Variants in PDXDC1 observed in about 807,000 individuals in gnomAD.
PDXDC1 encodes pyridoxal dependent decarboxylase domain containing 1, also known as pyridoxal-dependent decarboxylase domain-containing protein 1.
PDXDC1 carries 42 observed loss-of-function variants against 100.1 expected under a neutral mutation model. That is an observed-to-expected ratio of 0.42 (90% CI 0.33 to 0.54). The LOEUF (loss-of-function observed/expected upper bound fraction) is 0.54, where lower values mean the gene tolerates loss of function less well. PDXDC1 is among the 20% of genes least tolerant of loss of function. The probability of loss-of-function intolerance (pLI) is 0.10; values close to 1 mark genes in which losing one functional copy is unlikely to be tolerated. For synonymous variants in PDXDC1, 260 were observed against 371.7 expected (o/e 0.70, Z 3.46); for missense variants, 636 against 979.2 (o/e 0.65, Z 4.68).
chr16:14,995,349 GA>G (rs1216459338), intron 1 of PDXDC1, among the ~76,000 whole-genome samples: 4 of 152,296 alleles, frequency 2.6e-5, no homozygotes, highest in Admixed American at 2.6e-4. Flanking sequence ...TTTTTAGCAT[GA>G]AGGGTTGTTG....
At chr16:15,094,455 G>C in intron 16 of PDXDC1, 1 of 584,530 alleles carries the variant, frequency 1.7e-6, no homozygotes, top group Non-Finnish European at 3.0e-6. Context: ...TGAGTATAAG[G>C]AGAGACGGGA....
At chr16:15,131,457 G>C in intron 16 of PDXDC1, 1 of 1,607,896 alleles carries the variant, frequency 6.2e-7, no homozygotes, top group South Asian at 1.1e-5. Flanking sequence ...TGGAGAAGTG[G>C]CAGCCAGGCC....
chr16:15,061,858 G>C (rs1185836539), intron 16 of PDXDC1: 3 of 1,613,712 alleles, frequency 1.9e-6, no homozygotes, highest in Non-Finnish European at 1.7e-6. Context: ...TATCATTCTG[G>C]GGCACTTCGC....
At chr16:15,133,844 T>C in intron 16 of PDXDC1, 4 of 1,574,704 alleles carry the variant, frequency 2.5e-6, no homozygotes, top group Non-Finnish European at 2.6e-6. Context: ...CAGCGCCCAG[T>C]GGGAAGAGGC....
At chr16:15,006,698 T>A (rs1026771662) in intron 6 of PDXDC1, 115 bp downstream of exon 6, 1 of 1,026,814 alleles carries the variant, frequency 9.7e-7, no homozygotes, top group African/African-American at 1.6e-5. Flanking sequence ...AGAAAGATGG[T>A]CTTATATGCT....
At position 15,008,733 on chromosome 16, in the gene PDXDC1, A is replaced by C. The variant is rs768592076; in HGVS notation, c.580-46A>C. 20 of 1,574,208 alleles carry C rather than the reference A, an allele frequency of 1.3e-5. No homozygotes were observed. In the Admixed American group the frequency reaches 1.7e-4, roughly 14 times the overall value. On this transcript the variant is annotated intron_variant, in intron 6 of 22. Transcript: ENST00000396410. ...CACAGCCTTTCACAATCTGAAGTGA[A>C]TGGTGCAGAGAGCTTTCTTGTCAAG...
intron 16 of PDXDC1, among the ~76,000 whole-genome samples, chr16:15,030,817 T>C (rs940637895): frequency 2.0e-5 from 3 of 151,980 alleles, no homozygotes; most frequent in African/African-American, 4.8e-5. Flanking sequence ...TATTTTGATG[T>C]CTTGTGACTC....
intron 16 of PDXDC1, among the ~76,000 whole-genome samples, chr16:15,057,532 C>T (rs2044570948): frequency 6.6e-6 from 1 of 152,228 alleles, no homozygotes; most frequent in African/African-American, 2.4e-5. Flanking sequence ...TGCTCCTAGA[C>T]TGTACTGTAA....
At chr16:15,010,081 C>G (rs2041131945) in intron 8 of PDXDC1, among the ~76,000 whole-genome samples, 1 of 152,286 alleles carries the variant, frequency 6.6e-6, no homozygotes, top group Admixed American at 6.5e-5. Flanking sequence ...GAGTCTCACT[C>G]TGTTGCCCAG....
intron 16 of PDXDC1, chr16:15,133,762 C>G (rs577929548): frequency 6.3e-7 from 1 of 1,591,674 alleles, no homozygotes; most frequent in Non-Finnish European, 8.6e-7. Context: ...GTCGGGGGAT[C>G]CCGCTGCTCC....
chr16:15,027,840 G>A (rs1437534652), intron 14 of PDXDC1, among the ~76,000 whole-genome samples: 1 of 152,294 alleles, frequency 6.6e-6, no homozygotes, highest in Non-Finnish European at 1.5e-5. Context: ...TGGTGTGGTG[G>A]GCCAGCGTGG....
At chr16:15,136,363 G>A (rs1395497683) in intron 16 of PDXDC1, among the ~76,000 whole-genome samples, 3 of 152,138 alleles carry the variant, frequency 2.0e-5, no homozygotes, top group African/African-American at 7.2e-5. Flanking sequence ...GCGTGCCCAG[G>A]AGTGTCCGGA....
At chr16:15,048,733 A>G (rs1428327210) in intron 16 of PDXDC1, among the ~76,000 whole-genome samples, 1 of 151,896 alleles carries the variant, frequency 6.6e-6, no homozygotes, top group South Asian at 2.1e-4. Context: ...AAGCGATCCT[A>G]CCACCTTAGC....
At chr16:15,126,128 G>A (rs1218738051) in intron 16 of PDXDC1, among the ~76,000 whole-genome samples, 4 of 151,720 alleles carry the variant, frequency 2.6e-5, no homozygotes, top group South Asian at 2.1e-4. Flanking sequence ...TCCACCTCCC[G>A]CGTTCAGGCG....
chr16:15,077,293 G>C (rs1249696691), intron 16 of PDXDC1, among the ~76,000 whole-genome samples: 1 of 152,094 alleles, frequency 6.6e-6, no homozygotes, highest in African/African-American at 2.4e-5. Flanking sequence ...ATCTCATCTT[G>C]AATCGTACTC....
intron 1 of PDXDC1, chr16:14,988,870 G>T (rs1970027955): frequency 1.9e-6 from 3 of 1,613,850 alleles, no homozygotes; most frequent in South Asian, 1.1e-5. Flanking sequence ...TGGAGGGTCA[G>T]CCTCCACAGG....
At chr16:15,122,334 T>A (rs1164141292) in intron 16 of PDXDC1, among the ~76,000 whole-genome samples, 3 of 146,710 alleles carry the variant, frequency 2.0e-5, no homozygotes, top group Admixed American at 6.9e-5. Context: ...CCTCAGCCTC[T>A]CCAGTAACTG....
At chr16:15,012,614 A>T (rs1346748471) in intron 8 of PDXDC1, among the ~76,000 whole-genome samples, 3 of 152,294 alleles carry the variant, frequency 2.0e-5, no homozygotes, top group Non-Finnish European at 2.9e-5. Context: ...GAAGGCTGAG[A>T]CTGCGAGATC....
intron 16 of PDXDC1, among the ~76,000 whole-genome samples, chr16:15,099,469 A>C (rs1432857798): frequency 6.6e-6 from 1 of 151,770 alleles, no homozygotes; most frequent in Non-Finnish European, 1.5e-5. Context: ...CCTTAAAACT[A>C]AATGCATAAT....
Sources: allele counts gnomAD v4.1 joint callset (sites outside exome capture counted in the v4.1 genomes callset), GRCh38; gene constraint gnomAD v4.1.1; transcripts MANE v1.5; gene names NCBI Gene and HGNC (gene_info 2026-07-23, HGNC 2026-07-21).